GABRA4: variants seen among roughly 807,000 people sequenced by gnomAD.
GABRA4 encodes the protein gamma-aminobutyric acid receptor subunit alpha-4.
A neutral mutation model predicts 49.7 loss-of-function variants in GABRA4; 12 were observed. The observed-to-expected ratio is 0.24, with a 90% CI of 0.15 to 0.39. The LOEUF is 0.39. Among genes scored for constraint, GABRA4 ranks in the 10% least tolerant of loss-of-function variants. The pLI is 1.00. For synonymous variants in GABRA4, 288 were observed against 240.2 expected (o/e 1.20, Z -1.84); for missense variants, 506 against 686.0 (o/e 0.74, Z 2.93).
chr4:46,970,052 C>A (rs1279283927), intron 7 of GABRA4, among the ~76,000 whole-genome samples: 1 of 151,094 alleles, frequency 6.6e-6, no homozygotes, highest in East Asian at 1.9e-4. Context: ...CTTAGAGAAA[C>A]CTAAGATTAA....
chr4:46,946,143 A>T (rs1451846506), intron 8 of GABRA4, among the ~76,000 whole-genome samples: 2 of 152,148 alleles, frequency 1.3e-5, no homozygotes, highest in African/African-American at 2.4e-5. Context: ...ATCTCATGTA[A>T]CTGGCTATAT....
chr4:46,993,052 C>T (rs573958793), intron 1 of GABRA4, 106 bp from the exon 2 acceptor site: 7 of 898,822 alleles, frequency 7.8e-6, no homozygotes, highest in Middle Eastern at 2.2e-4. Flanking sequence ...TCGCTTGCCC[C>T]AAGCTAAAGG....
intron 7 of GABRA4, 38 bp from the exon 8 acceptor site, chr4:46,965,267 C>T: frequency 7.3e-7 from 1 of 1,365,760 alleles, no homozygotes; most frequent in Non-Finnish European, 9.5e-7. Flanking sequence ...AACACCTTAC[C>T]ATCATTTGTA....
chr4:46,975,093 T>A lies in GABRA4; in HGVS notation c.578-718A>T, dbSNP rs1422935676. 2.0e-5 allele frequency among the ~76,000 whole-genome samples: 3 copies of A among 152,092 alleles called. No individual in the cohort carries two copies. In the East Asian group the frequency reaches 5.9e-4, roughly 30 times the overall value. On this transcript the variant is annotated intron_variant, in intron 5 of 8. Coordinates refer to ENST00000264318, the MANE Select transcript of GABRA4 (RefSeq NM_000809.4). ...TCTATTATTTGGCACTCTGTGCAAA[T>A]GGAGAACAGCTGCTTGCTTACCAGT...
At chr4:46,973,433 C>T (rs571364708) in intron 6 of GABRA4, among the ~76,000 whole-genome samples, 1 of 151,796 alleles carries the variant, frequency 6.6e-6, no homozygotes, top group East Asian at 2.0e-4. Context: ...GAAATGGGTC[C>T]TCATTGAACA....
intron 6 of GABRA4, among the ~76,000 whole-genome samples, chr4:46,971,491 G>A (rs1722946034): frequency 6.6e-6 from 1 of 151,410 alleles, no homozygotes; most frequent in African/African-American, 2.4e-5. Flanking sequence ...TTTTAAAAAT[G>A]TTCTGTAGTG....
At chr4:46,941,537 T>C (rs558524012) in intron 8 of GABRA4, among the ~76,000 whole-genome samples, 96 of 152,244 alleles carry the variant, frequency 6.3e-4, no homozygotes, top group Non-Finnish European at 9.1e-4. Flanking sequence ...ATTGTTATCA[T>C]TTAATATTCT....
intron 8 of GABRA4, among the ~76,000 whole-genome samples, chr4:46,943,247 C>A (rs1170034911): frequency 2.0e-5 from 3 of 152,080 alleles, no homozygotes; most frequent in Non-Finnish European, 4.4e-5. Flanking sequence ...GAGATTAGCA[C>A]ACTATCCACC....
intron 7 of GABRA4, among the ~76,000 whole-genome samples, chr4:46,966,597 T>C (rs902816321): frequency 6.6e-6 from 1 of 151,736 alleles, no homozygotes; most frequent in East Asian, 1.9e-4. Context: ...AGGTTTATAA[T>C]ATGTCACATG....
chr4:46,977,276 A>AGGAGGAAGGAAG (rs1560480894), intron 4 of GABRA4, 133 bp from the exon 5 acceptor site: 3 of 339,818 alleles, frequency 8.8e-6, no homozygotes, highest in African/African-American at 6.1e-5. Flanking sequence ...AAGGAAGGGA[A>AGGAGGAAGGAAG]GGAGGAAGGG....
At chr4:46,958,398 A>G (rs898858423) in intron 8 of GABRA4, among the ~76,000 whole-genome samples, 1 of 151,988 alleles carries the variant, frequency 6.6e-6, no homozygotes, top group Non-Finnish European at 1.5e-5. Context: ...CTGGATAAGA[A>G]CTAAAGAATA....
In GABRA4 at chr4:46,920,982, A is replaced by G. The variant is rs1721003246; in HGVS notation, c.*7243T>C. The G allele has an allele frequency of 6.6e-6, 1 of 151,822 alleles. No individual in the cohort carries two copies. Among genetic ancestry groups the G allele is most frequent in the Non-Finnish European group, 1.5e-5 (1 of 67,762 alleles). 9.4% of individuals were successfully genotyped at this position (151,822 alleles called of 1,614,324 possible). A position where few individuals can be genotyped will look rare whatever the true frequency, so the allele number is the denominator to read the frequency against. On this transcript the variant is annotated 3_prime_UTR_variant, in exon 9 of 9. Transcript: ENST00000264318. ...CAGGTTAGTATTTTCAATTAAATTA[A>G]TCGGTTCAGTGATAATATCATACTC...
intron 5 of GABRA4, among the ~76,000 whole-genome samples, chr4:46,976,034 T>A (rs1344250891): frequency 6.6e-6 from 1 of 151,882 alleles, no homozygotes; most frequent in African/African-American, 2.4e-5. Context: ...ACTAAGAATC[T>A]GAAGCAATAG....
chr4:46,933,145 A>G (rs1721500972), intron 8 of GABRA4, among the ~76,000 whole-genome samples: 3 of 152,112 alleles, frequency 2.0e-5, no homozygotes, highest in Non-Finnish European at 4.4e-5. Context: ...ACAAAGATCA[A>G]GTGTTTTTAT....
intron 8 of GABRA4, among the ~76,000 whole-genome samples, chr4:46,960,337 G>C (rs1366606157): frequency 1.3e-5 from 2 of 151,514 alleles, no homozygotes; most frequent in Non-Finnish European, 3.0e-5. Flanking sequence ...AAATCAGTGG[G>C]AGAATTTTTC....
intron 8 of GABRA4, among the ~76,000 whole-genome samples, chr4:46,963,854 G>A (rs1430280121): frequency 6.6e-6 from 1 of 151,710 alleles, no homozygotes; most frequent in Admixed American, 6.6e-5. Context: ...CAGTTGGAGA[G>A]TCCTCAAAAA....
intron 8 of GABRA4, among the ~76,000 whole-genome samples, chr4:46,959,007 G>C (rs903403344): frequency 6.6e-6 from 1 of 151,922 alleles, no homozygotes; most frequent in African/African-American, 2.4e-5. Context: ...GCAAATTTCA[G>C]CTTCCTGATT....
intron 2 of GABRA4, among the ~76,000 whole-genome samples, chr4:46,987,166 T>C (rs949435487): frequency 6.6e-6 from 1 of 152,138 alleles, no homozygotes; most frequent in African/African-American, 2.4e-5. Context: ...CCTTGTCCTC[T>C]TACCACACTG....
rs1215535668 is a variant in GABRA4 at position 46,926,074 on chromosome 4, A to C, written c.*2151T>G. On this transcript the variant is annotated 3_prime_UTR_variant, in exon 9 of 9. Transcript: ENST00000264318. The stretch of plus-strand genomic sequence containing the variant: ...GCAAAGAGTAAGAGTTCCTCACCAA[A>C]AACAACAACAACAACAACAACAACA... The C allele has an allele frequency of 6.7e-6, 1 of 149,514 alleles. No homozygotes were observed. The highest frequency in any genetic ancestry group is 1.5e-5 in the Non-Finnish European group (1 of 67,188). 9.3% of individuals were successfully genotyped at this position (149,514 alleles called of 1,614,324 possible). A position where few individuals can be genotyped will look rare whatever the true frequency, so the allele number is the denominator to read the frequency against.
Sources: allele counts gnomAD v4.1 joint callset (sites outside exome capture counted in the v4.1 genomes callset), GRCh38; gene constraint gnomAD v4.1.1; transcripts MANE v1.5; gene names NCBI Gene and HGNC (gene_info 2026-07-23, HGNC 2026-07-21).